FAM228B: variants seen among roughly 807,000 people sequenced by gnomAD.
The protein encoded by FAM228B is family with sequence similarity 228 member B.
In FAM228B, 38 loss-of-function variants were observed where a neutral mutation model predicts 42.6. The observed-to-expected ratio is 0.89, with a 90% CI of 0.69 to 1.17. The LOEUF (loss-of-function observed/expected upper bound fraction) is 1.17. Among genes scored for constraint, FAM228B ranks in the 50% most tolerant of loss-of-function variants. The pLI, the probability that FAM228B is intolerant of heterozygous loss-of-function variation, is 0.00. For synonymous variants in FAM228B, 109 were observed against 122.3 expected (o/e 0.89, Z 0.72); for missense variants, 344 against 367.3 (o/e 0.94, Z 0.52).
chr2:24,122,286 A>G, upstream of FAM228B: 1 of 687,546 alleles, frequency 1.5e-6, no homozygotes, highest in Non-Finnish European at 2.5e-6. Context: ...AGATCATGCC[A>G]TTGCATCCCA....
At chr2:24,118,043 C>T (rs1344391614) in intron 3 of FAM228B, among the ~76,000 whole-genome samples, 1 of 152,172 alleles carries the variant, frequency 6.6e-6, no homozygotes, top group Admixed American at 6.5e-5. Flanking sequence ...ACCTTTAGTG[C>T]CAGCCACATG....
chr2:24,157,464 A>T (rs550443974), intron 7 of FAM228B, among the ~76,000 whole-genome samples: 1 of 152,226 alleles, frequency 6.6e-6, no homozygotes, highest in East Asian at 1.9e-4. Context: ...CTGGCCGGGC[A>T]TGGTGGCTCA....
intron 3 of FAM228B, chr2:24,115,505 A>G (rs1257572129): frequency 3.0e-6 from 4 of 1,325,674 alleles, no homozygotes; most frequent in Non-Finnish European, 3.2e-6. Flanking sequence ...TGTTTTTTCA[A>G]CCATAAAATA....
At chr2:24,150,182 A>G (rs1000361893) in intron 7 of FAM228B, among the ~76,000 whole-genome samples, 2 of 152,278 alleles carry the variant, frequency 1.3e-5, no homozygotes, top group African/African-American at 4.8e-5. Flanking sequence ...TGTGCTTACT[A>G]TCACCAGTGA....
At chr2:24,156,798 T>A in intron 7 of FAM228B, among the ~76,000 whole-genome samples, 1 of 139,298 alleles carries the variant, frequency 7.2e-6, no homozygotes, top group Non-Finnish European at 1.6e-5. Flanking sequence ...AGCTTTTTGT[T>A]TCATTTATCT....
intron 3 of FAM228B, among the ~76,000 whole-genome samples, chr2:24,136,989 T>C (rs1666606828): frequency 6.6e-6 from 1 of 152,210 alleles, no homozygotes; most frequent in African/African-American, 2.4e-5. Context: ...ATTTTGGCTA[T>C]TCCAGATAGT....
intron 3 of FAM228B, among the ~76,000 whole-genome samples, chr2:24,117,947 A>G (rs1480201702): frequency 6.6e-6 from 1 of 152,188 alleles, no homozygotes; most frequent in Non-Finnish European, 1.5e-5. Flanking sequence ...TGGGATATTA[A>G]TGGCGTGATG....
chr2:24,094,504 A>G (rs1665457528), intron 2 of FAM228B, among the ~76,000 whole-genome samples: 1 of 152,144 alleles, frequency 6.6e-6, no homozygotes, highest in Non-Finnish European at 1.5e-5. Context: ...CCCTCCCGAG[A>G]GACAGAGTCT....
intron 3 of FAM228B, among the ~76,000 whole-genome samples, chr2:24,108,674 G>T (rs1031566004): frequency 6.6e-6 from 1 of 152,006 alleles, no homozygotes; most frequent in African/African-American, 2.4e-5. Context: ...GGCCTAGACG[G>T]GCAGATCACG....
chr2:24,159,435 T>C (rs1254592545), intron 7 of FAM228B, among the ~76,000 whole-genome samples: 1 of 152,210 alleles, frequency 6.6e-6, no homozygotes, highest in Non-Finnish European at 1.5e-5. Context: ...CCTAGCCTAA[T>C]AGAAAGCAGA....
At chr2:24,076,947 G>T (rs1290003086) in exon 1 of FAM228B, 1 of 158,118 alleles carries the variant, frequency 6.3e-6, no homozygotes, top group Non-Finnish European at 1.3e-5. Flanking sequence ...GCCTGAGGAG[G>T]ACTGAGCTGG....
At chr2:24,143,328 C>A (rs34870916) in intron 5 of FAM228B, among the ~76,000 whole-genome samples, 96 of 133,010 alleles carry the variant, frequency 7.2e-4, no homozygotes, top group South Asian at 5.5e-3. Context: ...CTACAGGCGC[C>A]CGCCACCACG....
At chr2:24,145,414 C>T (rs1394917265) in intron 5 of FAM228B, among the ~76,000 whole-genome samples, 1 of 152,152 alleles carries the variant, frequency 6.6e-6, no homozygotes, top group Non-Finnish European at 1.5e-5. Flanking sequence ...TTGCACGCAC[C>T]CAGGATCAAA....
chr2:24,158,966 T>C (rs561600177), intron 7 of FAM228B, among the ~76,000 whole-genome samples: 3 of 152,322 alleles, frequency 2.0e-5, no homozygotes, highest in African/African-American at 7.2e-5. Context: ...CCTTGTCTCT[T>C]TCCTAGCTAC....
At chr2:24,168,822 ACT>A (rs1667494980) in intron 10 of FAM228B, among the ~76,000 whole-genome samples, 1 of 152,036 alleles carries the variant, frequency 6.6e-6, no homozygotes, top group African/African-American at 2.4e-5. Flanking sequence ...TGGACAGGAC[ACT>A]CTATCCATTG....
chr2:24,146,717 C>T (rs1409237040), intron 5 of FAM228B, 31 bp from the exon 6 acceptor site: 62 of 1,471,358 alleles, frequency 4.2e-5, no homozygotes, highest in Middle Eastern at 1.7e-4. Flanking sequence ...AGACTTGCAA[C>T]TCAGTGCTTA....
intron 7 of FAM228B, among the ~76,000 whole-genome samples, chr2:24,158,080 A>G (rs560448147): frequency 5.9e-5 from 9 of 151,776 alleles, no homozygotes; most frequent in Non-Finnish European, 1.3e-4. Context: ...AATGACATAC[A>G]AGATTGGGCT....
In FAM228B at chr2:24,077,475, T is replaced by C; in HGVS notation, c.-290+506T>C. The C allele has an allele frequency of 7.4e-7, 1 of 1,349,798 alleles. No individual in the cohort carries two copies. The highest frequency in any genetic ancestry group is 9.9e-7 in the Non-Finnish European group (1 of 1,007,918). 83.6% of individuals were successfully genotyped at this position (1,349,798 alleles called of 1,614,324 possible). A position where few individuals can be genotyped will look rare whatever the true frequency, so the allele number is the denominator to read the frequency against. ...TTTCCTCATATCAGCTTTAAACGGCTCTGGAGGAAGCACCGGGTTTCTTGG... is the reference window on the plus strand; with the variant it reads ...TTTCCTCATATCAGCTTTAAACGGCCCTGGAGGAAGCACCGGGTTTCTTGG... On this transcript the variant is annotated intron_variant, in intron 1 of 10. Transcript: ENST00000613899. This position sits in a 1 kb window ranked among gnomAD's most constrained non-coding sequence, Gnocchi z 5.5.
chr2:24,151,833 A>G (rs1411169186), intron 7 of FAM228B, among the ~76,000 whole-genome samples: 1 of 151,664 alleles, frequency 6.6e-6, no homozygotes, highest in Non-Finnish European at 1.5e-5. Context: ...GCAGGCATGC[A>G]CCATCACACC....
Sources: gnomAD v4.1 joint callset for allele counts (sites outside exome capture counted in the v4.1 genomes callset) on GRCh38, gnomAD v4.1.1 for gene constraint, Gnocchi (gnomAD v3.1) non-coding constraint, MANE v1.5 for transcripts, NCBI Gene and HGNC (gene_info 2026-07-23, HGNC 2026-07-21) for gene names.